Variants in CFAP61 observed in about 807,000 individuals in gnomAD.
CFAP61 encodes the protein cilia and flagella associated protein 61.
CFAP61 carries 107 observed loss-of-function variants against 135.6 expected under a neutral mutation model. The ratio of observed to expected loss-of-function variants is 0.79; its 90% CI spans 0.67 to 0.93. The LOEUF is 0.93. Ranked by LOEUF, CFAP61 falls within the 40% of genes least tolerant of loss-of-function variation. The probability of loss-of-function intolerance (pLI) is 0.00; values close to 1 mark genes in which losing one functional copy is unlikely to be tolerated. For synonymous variants in CFAP61, 575 were observed against 578.5 expected, an observed-to-expected ratio of 0.99 and a Z score of 0.09; for missense variants, 1,507 against 1,556.2, an observed-to-expected ratio of 0.97 and a Z score of 0.53.
chr20:20,169,302 T>G lies in CFAP61; in HGVS notation c.1246-19T>G, dbSNP rs201129544. On this transcript the variant is annotated intron_variant, in intron 12 of 26. Coordinates refer to ENST00000245957, the MANE Select transcript of CFAP61 (RefSeq NM_015585.4). Reference sequence around the variant, plus strand: ...TTTTTTTTATTCTTTCTCTGTGTCCTGGTTTTTGATGATGTTAGGATAAGA... The same window carrying G: ...TTTTTTTTATTCTTTCTCTGTGTCCGGGTTTTTGATGATGTTAGGATAAGA... 29 of 1,601,140 alleles carry G rather than the reference T, an allele frequency of 1.8e-5. No homozygotes were observed. In the East Asian group the frequency reaches 6.5e-4, roughly 36 times the overall value.
At chr20:20,099,316 T>C (rs2047833231) in intron 8 of CFAP61, among the ~76,000 whole-genome samples, 1 of 152,240 alleles carries the variant, frequency 6.6e-6, no homozygotes, top group Admixed American at 6.5e-5. Flanking sequence ...CTTAAGTTAC[T>C]TCTAGTTATA....
intron 8 of CFAP61, among the ~76,000 whole-genome samples, chr20:20,112,195 A>C (rs2048847018): frequency 6.6e-6 from 1 of 152,106 alleles, no homozygotes; most frequent in Admixed American, 6.6e-5. Flanking sequence ...GTGGCATAGA[A>C]CTTCTAAAAT....
At chr20:20,273,101 G>A (rs1299539777) in intron 21 of CFAP61, among the ~76,000 whole-genome samples, 1 of 139,192 alleles carries the variant, frequency 7.2e-6, no homozygotes, top group South Asian at 2.2e-4. Flanking sequence ...GGCTGGCCTC[G>A]AACTCCTGGC....
intron 22 of CFAP61, 27 bp downstream of exon 22, chr20:20,277,485 C>A (rs762861362): frequency 6.3e-7 from 1 of 1,576,990 alleles, no homozygotes; most frequent in Admixed American, 1.7e-5. Flanking sequence ...AAACCTCACT[C>A]ACCAGCCAGG....
intron 25 of CFAP61, among the ~76,000 whole-genome samples, chr20:20,301,998 G>A (rs1293689380): frequency 2.6e-5 from 4 of 152,102 alleles, no homozygotes; most frequent in Non-Finnish European, 5.9e-5. Flanking sequence ...TGACATATTT[G>A]ATATTGAGTC....
At chr20:20,296,763 C>T (rs1229128730) in intron 24 of CFAP61, among the ~76,000 whole-genome samples, 1 of 152,092 alleles carries the variant, frequency 6.6e-6, no homozygotes, top group Non-Finnish European at 1.5e-5. Context: ...TGATACTGTG[C>T]ATTTTTGTAA....
At chr20:20,159,259 C>A (rs1190079726) in intron 9 of CFAP61, 111 bp from the exon 10 acceptor site, 2 of 922,374 alleles carry the variant, frequency 2.2e-6, no homozygotes, top group Admixed American at 1.9e-5. Flanking sequence ...TGCCACAAGG[C>A]CAGTAAGCTG....
intron 6 of CFAP61, among the ~76,000 whole-genome samples, chr20:20,087,575 A>G (rs1229266737): frequency 1.3e-5 from 2 of 152,194 alleles, no homozygotes; most frequent in Non-Finnish European, 2.9e-5. Flanking sequence ...TCCTTACAGT[A>G]GTCAATGGGA....
At chr20:20,157,161 C>T (rs2052984829) in intron 9 of CFAP61, among the ~76,000 whole-genome samples, 1 of 152,170 alleles carries the variant, frequency 6.6e-6, no homozygotes, top group South Asian at 2.1e-4. Context: ...CAACCTCCGC[C>T]TCCCAGGTTC....
chr20:20,062,863 G>T (rs1388494140), intron 2 of CFAP61, among the ~76,000 whole-genome samples: 1 of 152,170 alleles, frequency 6.6e-6, no homozygotes, highest in Non-Finnish European at 1.5e-5. Flanking sequence ...GATATCTGTG[G>T]TAAAAATGTA....
intron 5 of CFAP61, 74 bp downstream of exon 5, chr20:20,075,330 G>A (rs1285227993): frequency 6.5e-7 from 1 of 1,538,460 alleles, no homozygotes; most frequent in African/African-American, 1.4e-5. Flanking sequence ...GTGCTTTGGG[G>A]AATGAGAAAT....
At chr20:20,337,753 C>T (rs2058291262) in intron 25 of CFAP61, among the ~76,000 whole-genome samples, 1 of 152,080 alleles carries the variant, frequency 6.6e-6, no homozygotes, top group Non-Finnish European at 1.5e-5. Flanking sequence ...TCATGGAGCA[C>T]AGGGGCTTTG....
At chr20:20,313,531 CTG>C (rs989350538) in intron 25 of CFAP61, among the ~76,000 whole-genome samples, 2 of 152,180 alleles carry the variant, frequency 1.3e-5, no homozygotes, top group African/African-American at 4.8e-5. Flanking sequence ...CTGGACACGT[CTG>C]TGTAGCAGTG....
intron 25 of CFAP61, chr20:20,322,751 A>G (rs1404115461): frequency 1.0e-6 from 1 of 985,350 alleles, no homozygotes; most frequent in Non-Finnish European, 1.2e-6. Flanking sequence ...AGAGATCATT[A>G]GAGGGTCCTC....
At chr20:20,344,634 C>A (rs536375565) in intron 26 of CFAP61, among the ~76,000 whole-genome samples, 11 of 152,148 alleles carry the variant, frequency 7.2e-5, no homozygotes, top group African/African-American at 2.4e-4. Flanking sequence ...AAAGGGGAAC[C>A]CTCACATACT....
At chr20:20,356,257 G>A (rs1272977219) in intron 26 of CFAP61, among the ~76,000 whole-genome samples, 1 of 142,056 alleles carries the variant, frequency 7.0e-6, no homozygotes, top group African/African-American at 2.7e-5. Context: ...CATACTGCGA[G>A]TGGAGGTAGT....
At chr20:20,055,705 G>A (rs1041954630) in intron 1 of CFAP61, among the ~76,000 whole-genome samples, 4 of 152,136 alleles carry the variant, frequency 2.6e-5, no homozygotes, top group African/African-American at 4.8e-5. Context: ...CAAACAAGAT[G>A]TCTCATTCCA....
intron 13 of CFAP61, among the ~76,000 whole-genome samples, chr20:20,178,766 G>A (rs2054828326): frequency 6.6e-6 from 1 of 152,034 alleles, no homozygotes; most frequent in Admixed American, 6.6e-5. Flanking sequence ...CCGTGTTATT[G>A]TGGAGAGTGT....
At chr20:20,286,746 C>G (rs1205943596) in intron 22 of CFAP61, among the ~76,000 whole-genome samples, 1 of 152,210 alleles carries the variant, frequency 6.6e-6, no homozygotes, top group African/African-American at 2.4e-5. Context: ...CTCCAGTCTA[C>G]AAACTCCTAT....
Sources: allele counts gnomAD v4.1 joint callset (sites outside exome capture counted in the v4.1 genomes callset), GRCh38; gene constraint gnomAD v4.1.1; transcripts MANE v1.5; gene names NCBI Gene and HGNC (gene_info 2026-07-23, HGNC 2026-07-21).